Variants in PCDHB5 observed in about 807,000 individuals in gnomAD.
PCDHB5 encodes protocadherin beta-5.
For missense variants in PCDHB5, 1,125 were observed against 1,029.4 expected, an observed-to-expected ratio of 1.09 and a Z score of -1.27; for synonymous variants, 569 against 462.2, an observed-to-expected ratio of 1.23 and a Z score of -2.96.
At position 141,136,007 on chromosome 5, in the gene PCDHB5, C is replaced by T. The variant is rs1036682191; in HGVS notation, c.573C>T (p.Tyr191=). The part of the protein sequence containing the change: ...ATHNRGDGRK[Y]PELVLDKALD... Reference sequence around the variant, plus strand: ...ATAATCGCGGAGATGGCAGAAAATACCCAGAGCTGGTGCTGGACAAAGCGC... The same window carrying T: ...ATAATCGCGGAGATGGCAGAAAATATCCAGAGCTGGTGCTGGACAAAGCGC... Residue 191 remains tyrosine, a synonymous_variant, in exon 1 of 1, where the codon TAC becomes TAT. Coordinates refer to ENST00000231134, the MANE Select transcript of PCDHB5 (RefSeq NM_015669.5). 1.9e-6 allele frequency: 3 copies of T among 1,614,086 alleles called. No individual in the cohort carries two copies. The highest frequency in any genetic ancestry group is 2.7e-5 in the African/African-American group (2 of 74,928).
chr5:141,138,512 A>G lies in PCDHB5; in HGVS notation c.*690A>G, dbSNP rs1194331044. The G allele has an allele frequency of 6.6e-6, 1 of 152,224 alleles. No individual in the cohort carries two copies. The highest frequency in any genetic ancestry group is 1.5e-5 in the Non-Finnish European group (1 of 68,048). 9.4% of individuals were successfully genotyped at this position (152,224 alleles called of 1,614,324 possible). Reference sequence around the variant, plus strand: ...GGTGCCACACAAATTACTCCTTACAATCACTACTACCCCAAGTATAGCAAA... The same window carrying G: ...GGTGCCACACAAATTACTCCTTACAGTCACTACTACCCCAAGTATAGCAAA... On this transcript the variant is annotated 3_prime_UTR_variant, in exon 1 of 1. Transcript: ENST00000231134.
At position 141,135,602 on chromosome 5, in the gene PCDHB5, G is replaced by C. The variant is rs141794169; in HGVS notation, c.168G>C (p.Val56=). ...ANLAKDLGLG[V]GELATRGARM... Reference sequence around the variant, plus strand: ...TGGCAAAAGACCTGGGTCTTGGGGTGGGGGAACTGGCCACTCGGGGCGCGC... The same window carrying C: ...TGGCAAAAGACCTGGGTCTTGGGGTCGGGGAACTGGCCACTCGGGGCGCGC... Residue 56 remains valine, a synonymous_variant, in exon 1 of 1, where the codon GTG becomes GTC. Coordinates refer to ENST00000231134, the MANE Select transcript of PCDHB5 (RefSeq NM_015669.5). The C allele has an allele frequency of 3.5e-5, 56 of 1,614,044 alleles. No homozygotes were observed. The Middle Eastern group carries it at 4.9e-4, about 14-fold the overall frequency.
chr5:141,136,844 C>T lies in PCDHB5; in HGVS notation c.1410C>T (p.Gly470=), dbSNP rs200632771. ...ACAACAGCCCCGCCCTGCACATCGG[C>T]AGTGTCAGCGCCACAGACAGAGACT... ...RENNSPALHI[G]SVSATDRDSG... Residue 470 remains glycine, a synonymous_variant, in exon 1 of 1, where the codon GGC becomes GGT. Coordinates refer to ENST00000231134, the MANE Select transcript of PCDHB5 (RefSeq NM_015669.5). 3.1e-6 allele frequency: 5 copies of T among 1,613,024 alleles called. No individual in the cohort carries two copies. The highest frequency in any genetic ancestry group is 4.2e-6 in the Non-Finnish European group (5 of 1,180,048).
chr5:141,136,593 G>C lies in PCDHB5; in HGVS notation c.1159G>C (p.Asp387His). The C allele has an allele frequency of 6.2e-7, 1 of 1,614,084 alleles. No homozygotes were observed. Among genetic ancestry groups the C allele is most frequent in the African/African-American group, 1.3e-5 (1 of 75,014 alleles). Residue 387 changes from aspartate (D) to histidine (H), a missense_variant, in exon 1 of 1, where the codon GAT (aspartate) becomes CAT (histidine). Asp to His is a moderately conservative substitution (Grantham distance 81). Transcript: ENST00000231134. ...TAGGATGATTTGCTCCATCCAGAAT[G>C]ATCTCCCCTTTCTTTTGAAGCCCAC... ...NGRMICSIQN[D>H]LPFLLKPTLK...
rs1384727157 is a variant in PCDHB5, at chr5:141,137,875, T to C, written c.*53T>C. 2 of 1,492,342 alleles carry C rather than the reference T, an allele frequency of 1.3e-6. No individual in the cohort carries two copies. Among genetic ancestry groups the C allele is most frequent in the Non-Finnish European group, 1.8e-6 (2 of 1,109,106 alleles). The allele number at this position is 1,492,342 out of a possible 1,614,324, so 92.4% of individuals were successfully genotyped here. On this transcript the variant is annotated 3_prime_UTR_variant, in exon 1 of 1. Coordinates refer to ENST00000231134, the MANE Select transcript of PCDHB5 (RefSeq NM_015669.5). ...GCCATTTATCCCAAACTTTTTCAGA[T>C]CTAGAATTCGAGAGTGTCATGGACA... is the stretch of plus-strand genomic sequence containing the variant.
chr5:141,135,363 G>C lies in PCDHB5; in HGVS notation c.-72G>C. On this transcript the variant is annotated 5_prime_UTR_variant, in exon 1 of 1. Coordinates refer to ENST00000231134, the MANE Select transcript of PCDHB5 (RefSeq NM_015669.5). The stretch of plus-strand genomic sequence containing the variant: ...ATCAGTCAAGAAAGATCGGATTCGC[G>C]GTTATTTATGCAAATCATCTGGGTG... 1 of 1,062,838 alleles carries C rather than the reference G, an allele frequency of 9.4e-7. No homozygotes were observed. Among genetic ancestry groups the C allele is most frequent in the African/African-American group, 1.6e-5 (1 of 63,276 alleles). 65.8% of individuals were successfully genotyped at this position (1,062,838 alleles called of 1,614,324 possible). A position where few individuals can be genotyped will look rare whatever the true frequency, so the allele number is the denominator to read the frequency against.
chr5:141,136,400 T>G lies in PCDHB5; in HGVS notation c.966T>G (p.Asp322Glu), dbSNP rs782470269. ...ATAACGTGGAAATTGTAGCCACAGATGGTGGGGGCCTTTCAGGAAAATGCA... is the reference window on the plus strand; with the variant it reads ...ATAACGTGGAAATTGTAGCCACAGAGGGTGGGGGCCTTTCAGGAAAATGCA... ...PYYNVEIVAT[D>E]GGGLSGKCTV... The change falls in exon 1 of 1, where the codon GAT becomes GAG. Residue 322 changes from aspartate (D) to glutamate (E), a missense_variant. Asp to Glu is a conservative substitution (Grantham distance 45). Transcript: ENST00000231134. 6.2e-7 allele frequency: 1 copy of G among 1,614,046 alleles called. No individual in the cohort carries two copies.
At position 141,137,168 on chromosome 5, in the gene PCDHB5, G is replaced by A. The variant is rs782761230; in HGVS notation, c.1734G>A (p.Ala578=). ...SAPCTELVPR[A]AEPGYLVTKV... Reference sequence around the variant, plus strand: ...CTTGCACCGAGCTGGTGCCCCGGGCGGCCGAGCCGGGCTACCTGGTGACCA... The same window carrying A: ...CTTGCACCGAGCTGGTGCCCCGGGCAGCCGAGCCGGGCTACCTGGTGACCA... Residue 578 remains alanine, a synonymous_variant, in exon 1 of 1, where the codon GCG becomes GCA. Transcript: ENST00000231134. 7 of 1,610,706 alleles carry A rather than the reference G, an allele frequency of 4.3e-6. No individual in the cohort carries two copies. The highest frequency in any genetic ancestry group is 3.3e-5 in the South Asian group (3 of 90,952).
In PCDHB5 at chr5:141,137,436, C is replaced by A. The variant is rs781864547; in HGVS notation, c.2002C>A (p.Pro668Thr). 2 of 1,612,118 alleles carry A rather than the reference C, an allele frequency of 1.2e-6. No individual in the cohort carries two copies. The highest frequency in any genetic ancestry group is 1.7e-5 in the Admixed American group (1 of 59,988). ...GCTCCTGGTGGACGGCTTCTCCCAGCCCTACCTGCCGCTGCCGGAGGCGGC... is the reference window on the plus strand; with the variant it reads ...GCTCCTGGTGGACGGCTTCTCCCAGACCTACCTGCCGCTGCCGGAGGCGGC... The part of the protein sequence containing the change: ...HVLLVDGFSQ[P>T]YLPLPEAAPA... The change falls in exon 1 of 1, where the codon CCC becomes ACC. Residue 668 changes from proline (P) to threonine (T), a missense_variant. Coordinates refer to ENST00000231134, the MANE Select transcript of PCDHB5 (RefSeq NM_015669.5).
rs1355541336 is a variant in PCDHB5 at position 141,136,659 on chromosome 5, G to A, written c.1225G>A (p.Asp409Asn). 4.3e-6 allele frequency: 7 copies of A among 1,613,954 alleles called. No individual in the cohort carries two copies. The highest frequency in any genetic ancestry group is 5.1e-6 in the Non-Finnish European group (6 of 1,180,020). ...FYTLVTQRTLDRESQAEYNIT... is the reference protein window; with the variant it reads ...FYTLVTQRTLNRESQAEYNIT... ...CACCCTAGTGACACAGAGAACACTGGACAGAGAGAGCCAAGCCGAGTACAA... is the reference window on the plus strand; with the variant it reads ...CACCCTAGTGACACAGAGAACACTGAACAGAGAGAGCCAAGCCGAGTACAA... Residue 409 changes from aspartate to asparagine, a missense_variant, in exon 1 of 1, where the codon GAC (aspartate) becomes AAC (asparagine). Transcript: ENST00000231134.
At position 141,137,014 on chromosome 5, in the gene PCDHB5, A is replaced by G; in HGVS notation, c.1580A>G (p.Glu527Gly). The part of the protein sequence containing the change: ...SLDYEALQAF[E>G]FRVGATDRGS... The stretch of plus-strand genomic sequence containing the variant: ...GACTACGAGGCCCTGCAGGCGTTCG[A>G]GTTCCGCGTGGGAGCCACAGACCGC... Residue 527 changes from glutamate to glycine, a missense_variant, in exon 1 of 1, where the codon GAG (glutamate) becomes GGG (glycine). By Grantham distance (98) the Glu-to-Gly change is moderately conservative. Coordinates refer to ENST00000231134, the MANE Select transcript of PCDHB5 (RefSeq NM_015669.5). 1 of 1,612,168 alleles carries G rather than the reference A, an allele frequency of 6.2e-7. No homozygotes were observed.
rs1554275783 is a variant in PCDHB5 at position 141,135,961 on chromosome 5, C to G, written c.527C>G (p.Ser176Ter). Residue 176 changes from serine (S) to a stop codon, truncating the protein, a stop_gained, in exon 1 of 1, where the codon TCA becomes TGA. Coordinates refer to ENST00000231134, the MANE Select transcript of PCDHB5 (RefSeq NM_015669.5). LOFTEE classifies it low-confidence loss of function (END_TRUNC). ...TVQNYTISPN[S>*]HFHVATHNRG... ...CAGAACTACACAATCAGCCCAAATT[C>G]ACACTTTCATGTTGCTACGCATAAT... The G allele has an allele frequency of 6.2e-7, 1 of 1,614,234 alleles. No individual in the cohort carries two copies. The highest frequency in any genetic ancestry group is 2.2e-5 in the East Asian group (1 of 44,884).
In PCDHB5 at chr5:141,136,799, C is replaced by T. The variant is rs782768021; in HGVS notation, c.1365C>T (p.Tyr455=). 1 of 1,613,854 alleles carries T rather than the reference C, an allele frequency of 6.2e-7. No individual in the cohort carries two copies. Among genetic ancestry groups the T allele is most frequent in the Non-Finnish European group, 8.5e-7 (1 of 1,180,040 alleles). ...DNAPAFTQTS[Y]TLFVRENNSP... is the part of the protein sequence containing the mutation. ...CCCCCGCCTTCACCCAAACCTCCTA[C>T]ACCCTGTTCGTCCGAGAGAACAACA... is the stretch of plus-strand genomic sequence containing the variant. The change falls in exon 1 of 1, where the codon TAC becomes TAT. Residue 455 remains tyrosine (Y), a synonymous_variant. Transcript: ENST00000231134.
Position 141,137,412 on chromosome 5 carries a change from C to T in PCDHB5, c.1978C>T (p.Leu660Phe). 6.2e-7 allele frequency: 1 copy of T among 1,611,052 alleles called. No homozygotes were observed. The highest frequency in any genetic ancestry group is 8.5e-7 in the Non-Finnish European group (1 of 1,179,456). Residue 660 changes from leucine (L) to phenylalanine (F), a missense_variant, in exon 1 of 1, where the codon CTC becomes TTC. By Grantham distance (22) the Leu-to-Phe change is conservative. Transcript: ENST00000231134. ...PRSATATLHV[L>F]LVDGFSQPYL... ...CTCGGCCACCGCCACGCTGCACGTG[C>T]TCCTGGTGGACGGCTTCTCCCAGCC...
chr5:141,136,519 CTG>C lies in PCDHB5; in HGVS notation c.1087_1088del (p.Val363SerfsTer8), dbSNP rs1316027302. On this transcript the variant is annotated frameshift_variant, in exon 1 of 1. Coordinates refer to ENST00000231134, the MANE Select transcript of PCDHB5 (RefSeq NM_015669.5). LOFTEE classifies it low-confidence loss of function (END_TRUNC). ...CCTACCCCAGAAAATGCCCCGGAAACTGTAGTTGCCGTTTTCAGTGTTTCTGA... is the reference window on the plus strand; with the variant it reads ...CCTACCCCAGAAAATGCCCCGGAAACTAGTTGCCGTTTTCAGTGTTTCTGA... 1.2e-5 allele frequency: 19 copies of C among 1,613,980 alleles called. 1 individual carries two copies. The highest frequency in any genetic ancestry group is 8.9e-5 in the East Asian group (4 of 44,884).
rs540811653 is a variant in PCDHB5 at position 141,136,847 on chromosome 5, T to C, written c.1413T>C (p.Ser471=). ...ENNSPALHIG[S]VSATDRDSGT... ...ACAGCCCCGCCCTGCACATCGGCAG[T>C]GTCAGCGCCACAGACAGAGACTCAG... The change falls in exon 1 of 1, where the codon AGT becomes AGC. Residue 471 remains serine, a synonymous_variant. Transcript: ENST00000231134. 40 of 1,613,036 alleles carry C rather than the reference T, an allele frequency of 2.5e-5. No homozygotes were observed. The highest frequency in any genetic ancestry group is 8.9e-5 in the East Asian group (4 of 44,872).
In PCDHB5 at chr5:141,137,042, C is replaced by G. The variant is rs1554276079; in HGVS notation, c.1608C>G (p.Gly536=). Residue 536 remains glycine (G), a synonymous_variant, in exon 1 of 1, where the codon GGC becomes GGG. Coordinates refer to ENST00000231134, the MANE Select transcript of PCDHB5 (RefSeq NM_015669.5). The part of the protein sequence containing the change: ...FEFRVGATDR[G]SPALSSEALV... ...TCCGCGTGGGAGCCACAGACCGCGG[C>G]TCCCCGGCGCTGAGCAGCGAGGCGC... The G allele has an allele frequency of 1.1e-5, 18 of 1,611,884 alleles. No individual in the cohort carries two copies. The highest frequency in any genetic ancestry group is 2.2e-5 in the East Asian group (1 of 44,870).
At position 141,136,907 on chromosome 5, in the gene PCDHB5, G is replaced by T. The variant is rs868948190; in HGVS notation, c.1473G>T (p.Pro491=). The T allele has an allele frequency of 1.9e-6, 3 of 1,612,598 alleles. No homozygotes were observed. The highest frequency in any genetic ancestry group is 2.1e-4 in the Middle Eastern group (1 of 4,806). The change falls in exon 1 of 1, where the codon CCG becomes CCT. Residue 491 remains proline (P), a synonymous_variant. Coordinates refer to ENST00000231134, the MANE Select transcript of PCDHB5 (RefSeq NM_015669.5). ...CCCAGGTCACCTACTCGCTGCTGCCGCCCCAGAACCCACACCTGCGCCTCG... is the reference window on the plus strand; with the variant it reads ...CCCAGGTCACCTACTCGCTGCTGCCTCCCCAGAACCCACACCTGCGCCTCG... ...TNAQVTYSLL[P]PQNPHLRLAS... is the part of the protein sequence containing the mutation.
chr5:141,137,096 C>T lies in PCDHB5; in HGVS notation c.1662C>T (p.Asn554=), dbSNP rs368703808. ...TGCGCGTGCTGGTGCTGGACGCCAA[C>T]GACAACTCGCCCTTCGTGCTGTATC... is the stretch of plus-strand genomic sequence containing the variant. The part of the protein sequence containing the change: ...ALVRVLVLDA[N]DNSPFVLYPL... The change falls in exon 1 of 1, where the codon AAC becomes AAT. Residue 554 remains asparagine, a synonymous_variant. Transcript: ENST00000231134. The T allele has an allele frequency of 8.4e-5, 136 of 1,611,606 alleles. No individual in the cohort carries two copies. The highest frequency in any genetic ancestry group is 1.1e-4 in the Non-Finnish European group (130 of 1,179,654).
Sources: allele counts gnomAD v4.1 joint callset, GRCh38; gene constraint gnomAD v4.1.1; transcripts MANE v1.5; gene names NCBI Gene and HGNC (gene_info 2026-07-23, HGNC 2026-07-21).